SOX6: variants seen among roughly 807,000 people sequenced by gnomAD.
SOX6 encodes the protein transcription factor SOX-6.
A neutral mutation model predicts 97.8 loss-of-function variants in SOX6; 11 were observed. That is an observed-to-expected ratio of 0.11 (90% confidence interval 0.07 to 0.19). The LOEUF (loss-of-function observed/expected upper bound fraction) is 0.19, where lower values mean the gene tolerates loss of function less well. Ranked by LOEUF, SOX6 falls within the 10% of genes least tolerant of loss-of-function variation. SOX6 has a pLI of 1.00. For missense variants in SOX6, 810 were observed against 1,039.5 expected (o/e 0.78, Z 3.04); for synonymous variants, 360 against 371.4 (o/e 0.97, Z 0.35).
chr11:16,249,448 T>C (rs2134196871), intron 3 of SOX6, among the ~76,000 whole-genome samples: 1 of 152,312 alleles, frequency 6.6e-6, no homozygotes, highest in South Asian at 2.1e-4. Flanking sequence ...GACTTCATTG[T>C]CCATATCACT....
intron 4 of SOX6, among the ~76,000 whole-genome samples, chr11:16,513,960 C>G (rs1860920337): frequency 6.6e-6 from 1 of 151,938 alleles, no homozygotes; most frequent in Non-Finnish European, 1.5e-5. Flanking sequence ...CCTGTAATCC[C>G]AGCACTTTGG....
At chr11:16,693,188 C>A (rs1294363304) in intron 3 of SOX6, among the ~76,000 whole-genome samples, 1 of 152,000 alleles carries the variant, frequency 6.6e-6, no homozygotes, top group Non-Finnish European at 1.5e-5. Flanking sequence ...AATGTTGTAC[C>A]AATTCTTAGT....
intron 2 of SOX6, 92 bp from the exon 3 acceptor site, chr11:16,318,745 T>C (rs1855825692): frequency 2.2e-6 from 2 of 901,146 alleles, no homozygotes; most frequent in Admixed American, 2.2e-5. Flanking sequence ...CAGTATATGA[T>C]GCTTAGTAGG....
intron 9 of SOX6, among the ~76,000 whole-genome samples, chr11:16,063,698 C>A (rs1848023885): frequency 6.7e-6 from 1 of 149,186 alleles, no homozygotes; most frequent in Admixed American, 6.7e-5. Context: ...CACCCCAATT[C>A]ATTAATGCAT....
chr11:15,978,242 T>G (rs2119804713), intron 15 of SOX6, among the ~76,000 whole-genome samples: 1 of 152,186 alleles, frequency 6.6e-6, no homozygotes, highest in Non-Finnish European at 1.5e-5. Flanking sequence ...AGCAAAACTC[T>G]TTAAAAAGTT....
intron 4 of SOX6, among the ~76,000 whole-genome samples, chr11:16,502,977 A>T (rs567470780): frequency 6.6e-6 from 1 of 152,306 alleles, no homozygotes; most frequent in African/African-American, 2.4e-5. Flanking sequence ...GTGCCCAGTA[A>T]CTTAGAAAAG....
intron 9 of SOX6, among the ~76,000 whole-genome samples, chr11:16,076,526 T>C (rs559884328): frequency 8.5e-5 from 13 of 152,088 alleles, no homozygotes; most frequent in African/African-American, 2.2e-4. Context: ...TCTGTATTAG[T>C]CCGTTCTCCC....
chr11:16,303,419 T>G (rs970409018), intron 3 of SOX6, among the ~76,000 whole-genome samples: 5 of 152,184 alleles, frequency 3.3e-5, no homozygotes, highest in African/African-American at 1.2e-4. Context: ...CAAAATCAGT[T>G]GAGCATATTT....
At chr11:16,396,873 C>T (rs1020472776) in intron 1 of SOX6, among the ~76,000 whole-genome samples, 1 of 151,262 alleles carries the variant, frequency 6.6e-6, no homozygotes, top group African/African-American at 2.4e-5. Context: ...TAGCACAGAG[C>T]CTCTCATTTC....
intron 4 of SOX6, among the ~76,000 whole-genome samples, chr11:16,206,063 T>C (rs563811838): frequency 3.3e-5 from 5 of 152,086 alleles, no homozygotes; most frequent in Non-Finnish European, 7.4e-5. Context: ...AAAACACTTA[T>C]GTTACTGAGA....
At position 16,191,157 on chromosome 11, in the gene SOX6, T is replaced by C. The variant is rs994894075; in HGVS notation, c.536-4202A>G. ...AATGCTCTTATGCATTAACTCTATA[T>C]AGAAAATAGTATATTGGCCAGGCAC... On this transcript the variant is annotated intron_variant, in intron 4 of 15. Coordinates refer to ENST00000683767, the MANE Select transcript of SOX6 (RefSeq NM_001367873.1). Among the ~76,000 whole-genome samples, 5 of 152,118 alleles carry C rather than the reference T, an allele frequency of 3.3e-5. No homozygotes were observed. The South Asian group carries it at 1.0e-3, about 31-fold the overall frequency.
intron 1 of SOX6, among the ~76,000 whole-genome samples, chr11:16,467,190 G>A (rs1163662633): frequency 6.6e-6 from 1 of 152,146 alleles, no homozygotes; most frequent in African/African-American, 2.4e-5. Flanking sequence ...ACCGTTTGGG[G>A]AGTGTAAATT....
chr11:16,597,874 C>T (rs1565189765), intron 4 of SOX6, among the ~76,000 whole-genome samples: 2 of 151,962 alleles, frequency 1.3e-5, no homozygotes, highest in Non-Finnish European at 2.9e-5. Context: ...GTAAACTCTA[C>T]ATTTAGTCAT....
At chr11:16,220,981 T>C (rs1852521866) in intron 4 of SOX6, among the ~76,000 whole-genome samples, 1 of 152,016 alleles carries the variant, frequency 6.6e-6, no homozygotes. Flanking sequence ...AAGTCTTAAA[T>C]GTGACTAAGT....
intron 15 of SOX6, among the ~76,000 whole-genome samples, chr11:15,982,833 C>T (rs1853707241): frequency 6.6e-6 from 1 of 151,954 alleles, no homozygotes; most frequent in Non-Finnish European, 1.5e-5. Flanking sequence ...CTGAATGTAC[C>T]TGCATAATTC....
At chr11:16,490,537 C>T (rs1860495200) in intron 4 of SOX6, among the ~76,000 whole-genome samples, 1 of 151,682 alleles carries the variant, frequency 6.6e-6, no homozygotes, top group Non-Finnish European at 1.5e-5. Context: ...GGTGCAAGCA[C>T]TAACCAAAAG....
chr11:16,205,500 C>T (rs1852049288), intron 4 of SOX6, among the ~76,000 whole-genome samples: 1 of 151,876 alleles, frequency 6.6e-6, no homozygotes, highest in Admixed American at 6.6e-5. Context: ...TCTTTGGAAA[C>T]AAGGTATCAA....
intron 4 of SOX6, among the ~76,000 whole-genome samples, chr11:16,519,101 G>A (rs1260379727): frequency 6.6e-6 from 1 of 152,144 alleles, no homozygotes; most frequent in Admixed American, 6.5e-5. Context: ...AAGAAAGAGA[G>A]AAAGGCTATT....
At chr11:16,458,296 A>G (rs1316982902) in intron 1 of SOX6, among the ~76,000 whole-genome samples, 1 of 152,072 alleles carries the variant, frequency 6.6e-6, no homozygotes. Context: ...ATATTTCTCT[A>G]AGAGCTTACA....
Sources: allele counts gnomAD v4.1 joint callset (sites outside exome capture counted in the v4.1 genomes callset), GRCh38; gene constraint gnomAD v4.1.1; transcripts MANE v1.5; gene names NCBI Gene and HGNC (gene_info 2026-07-23, HGNC 2026-07-21).